RALGAPA1: variants seen among roughly 807,000 people sequenced by gnomAD.
RALGAPA1 encodes the protein ral GTPase-activating protein subunit alpha-1.
In RALGAPA1, 52 loss-of-function variants were observed where a neutral mutation model predicts 269.6. The ratio of observed to expected loss-of-function variants is 0.19; its 90% confidence interval spans 0.15 to 0.24. The LOEUF is 0.24. Ranked by LOEUF, RALGAPA1 falls within the 10% of genes least tolerant of loss-of-function variation. The probability of loss-of-function intolerance (pLI) is 1.00; values close to 1 mark genes in which losing one functional copy is unlikely to be tolerated. For missense variants in RALGAPA1, 1,917 were observed against 3,013.9 expected, an observed-to-expected ratio of 0.64 and a Z score of 8.52; for synonymous variants, 817 against 1,008.3, an observed-to-expected ratio of 0.81 and a Z score of 3.60.
At chr14:35,701,229 T>G (rs2067325634) in intron 16 of RALGAPA1, among the ~76,000 whole-genome samples, 1 of 152,222 alleles carries the variant, frequency 6.6e-6, no homozygotes, top group Non-Finnish European at 1.5e-5. Context: ...GATTCTTAAT[T>G]AAGTTATAGG....
chr14:35,665,373 C>G (rs2063847722), intron 26 of RALGAPA1, among the ~76,000 whole-genome samples: 1 of 152,058 alleles, frequency 6.6e-6, no homozygotes, highest in Admixed American at 6.5e-5. Context: ...TTTCTTTTTT[C>G]TCTTCTGCCT....
chr14:35,773,373 T>C (rs2074784150), intron 3 of RALGAPA1, among the ~76,000 whole-genome samples: 1 of 152,132 alleles, frequency 6.6e-6, no homozygotes, highest in South Asian at 2.1e-4. Flanking sequence ...AAAAATCAAA[T>C]GATTTTTTCA....
intron 1 of RALGAPA1, among the ~76,000 whole-genome samples, chr14:35,784,835 C>T (rs1330887345): frequency 6.6e-6 from 1 of 152,070 alleles, no homozygotes; most frequent in African/African-American, 2.4e-5. Context: ...TTACAGAATA[C>T]AAAATAATGT....
chr14:35,585,166 A>G (rs903136640), intron 37 of RALGAPA1, among the ~76,000 whole-genome samples: 19 of 152,350 alleles, frequency 1.2e-4, no homozygotes, highest in Middle Eastern at 3.4e-3. Context: ...AAGCATCAAA[A>G]TGCATCAAGC....
intron 1 of RALGAPA1, among the ~76,000 whole-genome samples, chr14:35,802,851 C>A (rs1159570523): frequency 6.6e-6 from 1 of 151,560 alleles, no homozygotes; most frequent in Non-Finnish European, 1.5e-5. Context: ...CCAGCTATTT[C>A]TTTTTTTTCT....
At chr14:35,724,065 A>G (rs1226537687) in intron 14 of RALGAPA1, among the ~76,000 whole-genome samples, 1 of 152,142 alleles carries the variant, frequency 6.6e-6, no homozygotes, top group African/African-American at 2.4e-5. Context: ...TCTATCTTTA[A>G]TTTAATACAA....
intron 20 of RALGAPA1, 137 bp downstream of exon 20, chr14:35,684,792 A>AT (rs1041574299): frequency 0.042 from 26,816 of 643,292 alleles, no homozygotes; most frequent in South Asian, 0.052. Flanking sequence ...CAAATATCTA[A>AT]TTTTTTTTTT....
At chr14:35,542,746 A>G (rs78964647) in intron 41 of RALGAPA1, among the ~76,000 whole-genome samples, 1 of 152,198 alleles carries the variant, frequency 6.6e-6, no homozygotes, top group Non-Finnish European at 1.5e-5. Flanking sequence ...AAAAGTACAC[A>G]TGAGCTCCTA....
chr14:35,640,282 G>A (rs1329331014), intron 31 of RALGAPA1, among the ~76,000 whole-genome samples: 2 of 151,744 alleles, frequency 1.3e-5, no homozygotes, highest in Non-Finnish European at 2.9e-5. Flanking sequence ...AAAGATCAAT[G>A]AAATGAAAAA....
At chr14:35,603,103 T>C (rs887195297) in intron 36 of RALGAPA1, among the ~76,000 whole-genome samples, 2 of 152,148 alleles carry the variant, frequency 1.3e-5, no homozygotes, top group Non-Finnish European at 2.9e-5. Context: ...TATATGTCTA[T>C]CCTTGTACCA....
At chr14:35,646,947 T>C (rs2062470743) in intron 31 of RALGAPA1, among the ~76,000 whole-genome samples, 1 of 152,200 alleles carries the variant, frequency 6.6e-6, no homozygotes, top group African/African-American at 2.4e-5. Context: ...TGAAATTATG[T>C]TAAAAGAAAA....
intron 17 of RALGAPA1, among the ~76,000 whole-genome samples, chr14:35,695,252 T>C (rs991471710): frequency 6.6e-6 from 1 of 151,862 alleles, no homozygotes; most frequent in Non-Finnish European, 1.5e-5. Flanking sequence ...AAAAATCTAA[T>C]TGGAATTATG....
intron 31 of RALGAPA1, among the ~76,000 whole-genome samples, chr14:35,641,003 C>A (rs549226206): frequency 1.3e-5 from 2 of 152,216 alleles, no homozygotes; most frequent in African/African-American, 4.8e-5. Context: ...TCAGTTGCTG[C>A]TGAAAAAGCA....
Position 35,651,794 on chromosome 14 carries a change from A to G in RALGAPA1, c.5676+11T>C. On this transcript the variant is annotated intron_variant, in intron 31 of 41. Coordinates refer to ENST00000680220, the MANE Select transcript of RALGAPA1 (RefSeq NM_001346249.2). ...AACCACATACTAATCATCAAACAAAATTTAAATTACCCTCTTGTCCATTTC... is the reference window on the plus strand; with the variant it reads ...AACCACATACTAATCATCAAACAAAGTTTAAATTACCCTCTTGTCCATTTC... 6.3e-7 allele frequency: 1 copy of G among 1,582,940 alleles called. No homozygotes were observed. Among genetic ancestry groups the G allele is most frequent in the Non-Finnish European group, 8.5e-7 (1 of 1,170,158 alleles).
At chr14:35,598,472 T>G (rs996330057) in intron 36 of RALGAPA1, among the ~76,000 whole-genome samples, 1 of 152,100 alleles carries the variant, frequency 6.6e-6, no homozygotes, top group East Asian at 1.9e-4. Flanking sequence ...CAGGCTGGAG[T>G]GCAGTGGCGT....
intron 13 of RALGAPA1, among the ~76,000 whole-genome samples, chr14:35,727,310 C>CATATATATATAT (rs34288628): frequency 2.5e-4 from 26 of 104,474 alleles, no homozygotes; most frequent in East Asian, 6.0e-4. Flanking sequence ...AAAATTATGG[C>CATATATATATAT]ATATATATAT....
intron 10 of RALGAPA1, among the ~76,000 whole-genome samples, chr14:35,745,487 C>T (rs1309773309): frequency 2.6e-5 from 4 of 151,568 alleles, no homozygotes; most frequent in Non-Finnish European, 5.9e-5. Context: ...AAAATCTGGC[C>T]GGGCACAGTG....
At chr14:35,568,992 A>G (rs918621493) in intron 39 of RALGAPA1, among the ~76,000 whole-genome samples, 1 of 152,230 alleles carries the variant, frequency 6.6e-6, no homozygotes, top group Non-Finnish European at 1.5e-5. Flanking sequence ...TACTTCAAAT[A>G]TGAGTTTTCA....
chr14:35,690,251 A>C, intron 17 of RALGAPA1, among the ~76,000 whole-genome samples: 1 of 152,196 alleles, frequency 6.6e-6, no homozygotes, highest in East Asian at 1.9e-4. Flanking sequence ...GCATAGAAAC[A>C]GACAGTGAGG....
Sources: allele counts gnomAD v4.1 joint callset (sites outside exome capture counted in the v4.1 genomes callset), GRCh38; gene constraint gnomAD v4.1.1; transcripts MANE v1.5; gene names NCBI Gene and HGNC (gene_info 2026-07-23, HGNC 2026-07-21).